Variants in YBEY observed in about 807,000 individuals in gnomAD.
The protein encoded by YBEY is ybeY metalloendoribonuclease, also known as endoribonuclease YbeY.
A neutral mutation model predicts 13.5 loss-of-function variants in YBEY; 15 were observed. That is an observed-to-expected ratio of 1.11 (90% CI 0.75 to 1.72). YBEY has a LOEUF of 1.72. Ranked by LOEUF, YBEY falls within the 40% of genes most tolerant of loss-of-function variation. The pLI is 0.00. For missense variants in YBEY, 244 were observed against 208.4 expected, an observed-to-expected ratio of 1.17 and a Z score of -1.05; for synonymous variants, 101 against 83.1, an observed-to-expected ratio of 1.21 and a Z score of -1.17.
the YBEY span, among the ~76,000 whole-genome samples, chr21:46,304,279 C>G: frequency 3.3e-5 from 5 of 151,986 alleles, no homozygotes; most frequent in Admixed American, 3.3e-4. Context: ...ATCTGCCCGC[C>G]TCGGCCTCCC....
downstream of YBEY, chr21:46,301,769 C>T: frequency 8.1e-7 from 1 of 1,229,848 alleles, no homozygotes. Flanking sequence ...GGTTCACAGG[C>T]CCCTCACTGC....
the YBEY span, among the ~76,000 whole-genome samples, chr21:46,310,818 T>A: frequency 9.2e-5 from 14 of 151,404 alleles, no homozygotes; most frequent in African/African-American, 1.4e-4. Context: ...TCTCTCTCTC[T>A]CTAAATAAAT....
chr21:46,298,132 C>T (rs1234616267), downstream of YBEY, among the ~76,000 whole-genome samples: 1 of 152,240 alleles, frequency 6.6e-6, no homozygotes, highest in Non-Finnish European at 1.5e-5. Flanking sequence ...GCCAGGGCCA[C>T]GGCGAGGCCG....
Position 46,291,447 on chromosome 21 carries a change from C to T in YBEY, c.324C>T (p.Tyr108=). ...IFHQCKENED[Y]NDVLTVTATH... is the part of the protein sequence containing the mutation. ...ATCAGTGTAAAGAAAATGAAGATTACAATGACGTCCTGACTGTAAGCGGGG... is the reference window on the plus strand; with the variant it reads ...ATCAGTGTAAAGAAAATGAAGATTATAATGACGTCCTGACTGTAAGCGGGG... Residue 108 remains tyrosine, a synonymous_variant, in exon 3 of 5, where the codon TAC becomes TAT. Coordinates refer to ENST00000397701, the MANE Select transcript of YBEY (RefSeq NM_001314025.2). 6.2e-7 allele frequency: 1 copy of T among 1,613,982 alleles called. No homozygotes were observed.
chr21:46,312,974 T>A, the YBEY span: 1 of 985,238 alleles, frequency 1.0e-6, no homozygotes, highest in Non-Finnish European at 1.2e-6. Context: ...TATTCGAGCA[T>A]GAAAGGCCTT....
intron 2 of YBEY, 24 bp downstream of exon 2, chr21:46,287,147 T>C (rs2081477708): frequency 8.9e-7 from 1 of 1,122,520 alleles, no homozygotes. Flanking sequence ...GTTCCTCTTC[T>C]TGTCTAGCCC....
At chr21:46,302,967 G>A in the YBEY span, among the ~76,000 whole-genome samples, 2 of 150,918 alleles carry the variant, frequency 1.3e-5, no homozygotes, top group African/African-American at 2.4e-5. Context: ...TCTGTACACG[G>A]TGCGGGTCCC....
chr21:46,294,605 CGGG>C (rs2081881714), intron 3 of YBEY, among the ~76,000 whole-genome samples: 1 of 85,696 alleles, frequency 1.2e-5, no homozygotes, highest in African/African-American at 4.2e-5. Flanking sequence ...GACCCGTGCC[CGGG>C]ACTCAGTGGG....
intron 1 of YBEY, 112 bp from the exon 2 acceptor site, chr21:46,286,758 G>A (rs1306121901): frequency 1.5e-6 from 1 of 676,834 alleles, no homozygotes; most frequent in Non-Finnish European, 2.5e-6. Flanking sequence ...ATTCCCTTAA[G>A]ATTTTCAATC....
downstream of YBEY, chr21:46,302,725 G>T (rs2082170776): frequency 1.6e-6 from 1 of 635,632 alleles, no homozygotes; most frequent in East Asian, 2.8e-5. Context: ...CACACGGTGC[G>T]GGTCCCCGGG....
chr21:46,302,664 G>T (rs1974171), downstream of YBEY: 5 of 965,532 alleles, frequency 5.2e-6, no homozygotes, highest in Non-Finnish European at 8.0e-6. Context: ...CCAGAGAACA[G>T]GTGTGTCTGT....
At chr21:46,304,048 A>T in the YBEY span, among the ~76,000 whole-genome samples, 1 of 75,398 alleles carries the variant, frequency 1.3e-5, no homozygotes, top group South Asian at 4.7e-4. Context: ...TTTTTTTGAG[A>T]CGGAGTCTCA....
downstream of YBEY, among the ~76,000 whole-genome samples, chr21:46,298,046 G>A (rs901339227): frequency 6.6e-6 from 1 of 152,232 alleles, no homozygotes; most frequent in African/African-American, 2.4e-5. Flanking sequence ...CAGCGCCAGC[G>A]CACGCCTCTT....
At chr21:46,306,204 C>T in the YBEY span, among the ~76,000 whole-genome samples, 1 of 151,918 alleles carries the variant, frequency 6.6e-6, no homozygotes, top group Non-Finnish European at 1.5e-5. Flanking sequence ...TGCAGCAAAA[C>T]TTGCATTTAA....
chr21:46,299,043 CTTTCTTT>C (rs1379123010), downstream of YBEY, among the ~76,000 whole-genome samples: 7 of 123,956 alleles, frequency 5.6e-5, no homozygotes, highest in Non-Finnish European at 9.7e-5. Flanking sequence ...GTATTTCTTT[CTTTCTTT>C]TTTTTTTTTT....
chr21:46,303,757 T>TTA, the YBEY span, among the ~76,000 whole-genome samples: 87 of 82,220 alleles, frequency 1.1e-3, 2 homozygotes, highest in Non-Finnish European at 2.0e-3. Flanking sequence ...TTTTTTTTTT[T>TTA]TTTTTTTTTT....
At chr21:46,300,968 G>T (rs1371839798), downstream of YBEY, among the ~76,000 whole-genome samples, 1 of 152,050 alleles carries the variant, frequency 6.6e-6, no homozygotes. Flanking sequence ...GAAGGAAACT[G>T]AACTGAGGGG....
chr21:46,308,248 G>A, the YBEY span, among the ~76,000 whole-genome samples: 50 of 152,136 alleles, frequency 3.3e-4, no homozygotes, highest in Non-Finnish European at 6.5e-4. Flanking sequence ...AGATCACGAG[G>A]TCAGGAGTTC....
At chr21:46,300,726 C>G, downstream of YBEY, 2 of 1,288,550 alleles carry the variant, frequency 1.6e-6, no homozygotes, top group Non-Finnish European at 2.0e-6. Flanking sequence ...TACCTGCAAA[C>G]TTTCAAAGAT....
Sources: gnomAD v4.1 joint callset for allele counts (sites outside exome capture counted in the v4.1 genomes callset) on GRCh38, gnomAD v4.1.1 for gene constraint, MANE v1.5 for transcripts, NCBI Gene and HGNC (gene_info 2026-07-23, HGNC 2026-07-21) for gene names.